ZNF184: variants seen among roughly 807,000 people sequenced by gnomAD.
The protein encoded by ZNF184 is zinc finger protein 184.
Under a neutral mutation model 54.4 loss-of-function variants are expected in ZNF184, and 16 were observed. The ratio of observed to expected loss-of-function variants is 0.29; its 90% CI spans 0.20 to 0.45. The LOEUF (loss-of-function observed/expected upper bound fraction) is 0.45, where lower values mean the gene tolerates loss of function less well. Among genes scored for constraint, ZNF184 ranks in the 20% least tolerant of loss-of-function variants. The pLI is 1.00. For synonymous variants in ZNF184, 254 were observed against 295.3 expected (o/e 0.86, Z 1.43); for missense variants, 681 against 888.2 (o/e 0.77, Z 2.97).
chr6:27,459,037 C>T (rs1020071463), intron 3 of ZNF184, among the ~76,000 whole-genome samples: 1 of 151,974 alleles, frequency 6.6e-6, no homozygotes, highest in Non-Finnish European at 1.5e-5. Flanking sequence ...AAAAACAAAA[C>T]GAGCTCATAG....
At chr6:27,418,497 A>G in the ZNF184 span, among the ~76,000 whole-genome samples, 1 of 152,194 alleles carries the variant, frequency 6.6e-6, no homozygotes, top group Non-Finnish European at 1.5e-5. Context: ...TACAGTATGT[A>G]TTTGTGCCTG....
At chr6:27,471,924 G>A (rs144610524) in intron 2 of ZNF184, among the ~76,000 whole-genome samples, 239 of 152,286 alleles carry the variant, frequency 1.6e-3, no homozygotes, top group African/African-American at 5.5e-3. Flanking sequence ...ACAGACAGCC[G>A]TCTGCCAAGG....
At chr6:27,438,530 G>A in the ZNF184 span, among the ~76,000 whole-genome samples, 3 of 152,096 alleles carry the variant, frequency 2.0e-5, no homozygotes, top group South Asian at 2.1e-4. Flanking sequence ...CAGGATGGCA[G>A]CTCACAAATG....
the ZNF184 span, among the ~76,000 whole-genome samples, chr6:27,444,710 A>G: frequency 6.6e-6 from 1 of 151,856 alleles, no homozygotes; most frequent in Non-Finnish European, 1.5e-5. Context: ...ATCTTATTAA[A>G]CCTCTCAGAA....
Position 27,452,497 on chromosome 6 carries a change from T to G in ZNF184, c.1062A>C (p.Lys354Asn). ...SQRGHFMEHQ[K>N]IHTGEKPFKC... ...TAAAAGGTTTTTCTCCCGTATGAAT[T>G]TTCTGATGTTCCATAAAGTGGCCTC... Residue 354 changes from lysine (K) to asparagine (N), a missense_variant, in exon 6 of 6, where the codon AAA becomes AAC. Lys to Asn is a moderately conservative substitution (Grantham distance 94). Transcript: ENST00000683788. This position sits in a 1 kb window ranked among gnomAD's most constrained non-coding sequence, Gnocchi z 5.5. 6.2e-7 allele frequency: 1 copy of G among 1,614,150 alleles called. No individual in the cohort carries two copies. The highest frequency in any genetic ancestry group is 1.3e-5 in the African/African-American group (1 of 75,040).
chr6:27,443,968 C>T, the ZNF184 span, among the ~76,000 whole-genome samples: 1 of 152,122 alleles, frequency 6.6e-6, no homozygotes, highest in African/African-American at 2.4e-5. Flanking sequence ...TCTCATGTAC[C>T]TGAACATAGC....
chr6:27,432,239 G>A, the ZNF184 span, among the ~76,000 whole-genome samples: 1 of 152,174 alleles, frequency 6.6e-6, no homozygotes, highest in Non-Finnish European at 1.5e-5. This position sits in a 1 kb window ranked among gnomAD's most constrained non-coding sequence, Gnocchi z 4.0. Flanking sequence ...ACAATTACAG[G>A]TAGTTTCTGC....
intron 2 of ZNF184, among the ~76,000 whole-genome samples, chr6:27,469,988 A>AAGTAATTTC (rs11283667): frequency 0.65 from 98,434 of 151,446 alleles, 32,265 homozygotes; most frequent in Middle Eastern, 0.75. Flanking sequence ...GACAGAACCC[A>AAGTAATTTC]AGGGAATCTA....
At chr6:27,467,942 A>C (rs777619061) in intron 2 of ZNF184, 22 bp from the exon 3 acceptor site, 2 of 1,559,218 alleles carry the variant, frequency 1.3e-6, no homozygotes, top group African/African-American at 1.4e-5. Context: ...AGCAGGAGCC[A>C]TATGACTTCT....
the ZNF184 span, among the ~76,000 whole-genome samples, chr6:27,414,449 C>A: frequency 6.6e-6 from 1 of 152,142 alleles, no homozygotes; most frequent in Non-Finnish European, 1.5e-5. Context: ...CCTTCATGAC[C>A]TCTTGAGTCT....
At chr6:27,422,149 AAAGAAAG>A in the ZNF184 span, among the ~76,000 whole-genome samples, 2 of 16,804 alleles carry the variant, frequency 1.2e-4, no homozygotes, top group Admixed American at 8.9e-4. Context: ...TCAAAAAAAA[AAAGAAAG>A]AAAGAAAGAA....
the ZNF184 span, among the ~76,000 whole-genome samples, chr6:27,435,277 T>A: frequency 6.6e-6 from 1 of 152,220 alleles, no homozygotes; most frequent in Non-Finnish European, 1.5e-5. Context: ...AGTCTTCCAA[T>A]CCAATGCAAT....
chr6:27,420,196 A>G, the ZNF184 span, among the ~76,000 whole-genome samples: 12 of 152,336 alleles, frequency 7.9e-5, no homozygotes, highest in African/African-American at 2.2e-4. Flanking sequence ...AAATGCTTCT[A>G]TGGATTATAA....
the ZNF184 span, among the ~76,000 whole-genome samples, chr6:27,442,881 A>AGAAAAGAAAGG: frequency 4.0e-5 from 1 of 24,808 alleles, no homozygotes; most frequent in Admixed American, 5.4e-4. Flanking sequence ...AAAGAAAGAA[A>AGAAAAGAAAGG]AAGAAAAAAA....
chr6:27,442,903 AAAAAG>A, the ZNF184 span, among the ~76,000 whole-genome samples: 2 of 151,906 alleles, frequency 1.3e-5, no homozygotes, highest in Admixed American at 6.5e-5. Context: ...AAAGAAAAAA[AAAAAG>A]AAAAGAGCCC....
the ZNF184 span, among the ~76,000 whole-genome samples, chr6:27,427,535 C>T: frequency 2.6e-5 from 4 of 152,168 alleles, no homozygotes; most frequent in Non-Finnish European, 5.9e-5. Flanking sequence ...TTCCAAAGTT[C>T]TGTCTTTAGC....
At chr6:27,444,528 T>C in the ZNF184 span, among the ~76,000 whole-genome samples, 4 of 152,176 alleles carry the variant, frequency 2.6e-5, no homozygotes, top group Non-Finnish European at 5.9e-5. Flanking sequence ...ACCCCAATTT[T>C]CTTTTCCCAT....
At chr6:27,405,035 T>C in the ZNF184 span, 2 of 151,870 alleles carry the variant, frequency 1.3e-5, no homozygotes, top group East Asian at 3.9e-4. Flanking sequence ...AATAGCACTA[T>C]ATAATACCTG....
intron 2 of ZNF184, among the ~76,000 whole-genome samples, chr6:27,469,502 G>A (rs1184557499): frequency 7.2e-5 from 11 of 152,070 alleles, no homozygotes; most frequent in South Asian, 2.1e-4. Context: ...TTAACCAGGC[G>A]TGGTGGCGTG....
Sources: allele counts gnomAD v4.1 joint callset (sites outside exome capture counted in the v4.1 genomes callset), GRCh38; gene constraint gnomAD v4.1.1; non-coding constraint Gnocchi (gnomAD v3.1); transcripts MANE v1.5; gene names NCBI Gene and HGNC (gene_info 2026-07-23, HGNC 2026-07-21).